Variants in FAM135A observed in about 807,000 individuals in gnomAD.
FAM135A encodes the protein protein FAM135A.
A neutral mutation model predicts 146.8 loss-of-function variants in FAM135A; 79 were observed. The ratio of observed to expected loss-of-function variants is 0.54; its 90% CI spans 0.45 to 0.65. The LOEUF (loss-of-function observed/expected upper bound fraction) is 0.65, where lower values mean the gene tolerates loss of function less well. FAM135A is among the 30% of genes least tolerant of loss of function. FAM135A has a pLI of 0.00. For missense variants in FAM135A, 1,623 were observed against 1,758.2 expected, an observed-to-expected ratio of 0.92 and a Z score of 1.38; for synonymous variants, 562 against 603.6, an observed-to-expected ratio of 0.93 and a Z score of 1.01.
rs191246803 is a variant in FAM135A, at chr6:70,527,296, G to T, written c.3614+598G>T. Among the ~76,000 whole-genome samples the T allele has an allele frequency of 5.3e-4, 80 of 152,116 alleles. 1 individual carries two copies. In the East Asian group the frequency reaches 0.012, roughly 22 times the overall value. ...GATACAGGTTTACCAGCGTGCACTG[G>T]TTCTTAAAATATTCTATTGCCTCAG... is the stretch of plus-strand genomic sequence containing the variant. On this transcript the variant is annotated intron_variant, in intron 15 of 21. Transcript: ENST00000418814.
At position 70,526,506 on chromosome 6, in the gene FAM135A, G is replaced by T; in HGVS notation, c.3422G>T (p.Gly1141Val). 6.2e-7 allele frequency: 1 copy of T among 1,613,486 alleles called. No individual in the cohort carries two copies. Among genetic ancestry groups the T allele is most frequent in the South Asian group, 1.1e-5 (1 of 91,048 alleles). The change falls in exon 15 of 22, where the codon GGT (glycine) becomes GTT (valine). Residue 1141 changes from glycine to valine, a missense_variant. Around this residue, in one of 7 missense-constraint regions of FAM135A, gnomAD observed 1,061 missense variants for 1,113.8 expected, o/e 0.95. Coordinates refer to ENST00000418814, the MANE Select transcript of FAM135A (RefSeq NM_001162529.3). ...EKINSDYLRDGINMPTVCTSG... is the reference protein window; with the variant it reads ...EKINSDYLRDVINMPTVCTSG... ...ATAAACAGTGACTATCTGAGAGATG[G>T]TATAAACATGCCTACTGTCTGTACT... is the stretch of plus-strand genomic sequence containing the variant.
At chr6:70,425,373 A>G (rs1226304849) in intron 2 of FAM135A, among the ~76,000 whole-genome samples, 1 of 152,188 alleles carries the variant, frequency 6.6e-6, no homozygotes, top group Non-Finnish European at 1.5e-5. Context: ...AGGAGAAGCT[A>G]TCTTCGACAT....
chr6:70,458,736 C>T (rs931609809), intron 5 of FAM135A, among the ~76,000 whole-genome samples: 2 of 152,088 alleles, frequency 1.3e-5, no homozygotes, highest in Non-Finnish European at 2.9e-5. Context: ...ACATGCGTCT[C>T]ACAAGTGTTA....
chr6:70,554,723 G>A (rs1800499960), intron 20 of FAM135A, among the ~76,000 whole-genome samples: 1 of 152,130 alleles, frequency 6.6e-6, no homozygotes, highest in African/African-American at 2.4e-5. Flanking sequence ...CGCCTCCTGG[G>A]TTCAAGCGAT....
At chr6:70,535,194 G>C (rs145751524) in intron 18 of FAM135A, among the ~76,000 whole-genome samples, 1 of 152,104 alleles carries the variant, frequency 6.6e-6, no homozygotes, top group Admixed American at 6.6e-5. Context: ...AGTTCAGTTC[G>C]GGAGGGAAGT....
chr6:70,422,193 C>T (rs1285406651), intron 2 of FAM135A, among the ~76,000 whole-genome samples: 1 of 152,154 alleles, frequency 6.6e-6, no homozygotes, highest in Non-Finnish European at 1.5e-5. Flanking sequence ...CTTCCAACTA[C>T]CTCTTGAAAA....
At chr6:70,481,873 A>AT (rs141045723) in intron 9 of FAM135A, 128 bp from the exon 10 acceptor site, 3 of 882,972 alleles carry the variant, frequency 3.4e-6, no homozygotes, top group South Asian at 2.3e-5. Context: ...ATATTACCAC[A>AT]TTTTTTATAT....
chr6:70,441,904 C>T (rs994356319), intron 4 of FAM135A, among the ~76,000 whole-genome samples: 19 of 151,958 alleles, frequency 1.3e-4, no homozygotes, highest in Non-Finnish European at 2.4e-4. Flanking sequence ...AGGCTGGTCT[C>T]GTACTCCTGA....
chr6:70,545,836 C>T (rs1295790302), intron 20 of FAM135A, among the ~76,000 whole-genome samples: 1 of 152,128 alleles, frequency 6.6e-6, no homozygotes, highest in Non-Finnish European at 1.5e-5. Context: ...AATGACTTGC[C>T]TGAGGTCACT....
intron 4 of FAM135A, among the ~76,000 whole-genome samples, chr6:70,443,746 C>G (rs1775086324): frequency 6.6e-6 from 1 of 151,984 alleles, no homozygotes. Flanking sequence ...TTTAATCATA[C>G]CTTTTTTTTC....
At chr6:70,523,315 A>G (rs970817129) in intron 13 of FAM135A, among the ~76,000 whole-genome samples, 3 of 152,138 alleles carry the variant, frequency 2.0e-5, no homozygotes, top group Non-Finnish European at 2.9e-5. Flanking sequence ...TATAAATTAT[A>G]CCACAAAAAA....
At chr6:70,540,317 AC>A (rs1797658656) in intron 20 of FAM135A, among the ~76,000 whole-genome samples, 1 of 111,348 alleles carries the variant, frequency 9.0e-6, no homozygotes. Context: ...GATTCCTGCT[AC>A]TTTTTTTTTT....
At chr6:70,555,609 A>G (rs1800688709) in intron 20 of FAM135A, among the ~76,000 whole-genome samples, 3 of 152,162 alleles carry the variant, frequency 2.0e-5, no homozygotes, top group Admixed American at 6.5e-5. Context: ...AGAGTCTTAG[A>G]TGACTCCAGG....
chr6:70,437,971 T>C (rs1353607963), intron 4 of FAM135A, among the ~76,000 whole-genome samples: 1 of 152,184 alleles, frequency 6.6e-6, no homozygotes, highest in Non-Finnish European at 1.5e-5. Context: ...CTATAGATAC[T>C]TATACCATAT....
chr6:70,544,599 G>C (rs957558864), intron 20 of FAM135A, among the ~76,000 whole-genome samples: 1 of 151,708 alleles, frequency 6.6e-6, no homozygotes, highest in African/African-American at 2.4e-5. Context: ...AAATTAGCTA[G>C]GCATGGTCAT....
In FAM135A at chr6:70,526,332, A is replaced by G. The variant is rs569756752; in HGVS notation, c.3248A>G (p.Lys1083Arg). Residue 1083 changes from lysine to arginine, a missense_variant, in exon 15 of 22, where the codon AAA becomes AGA. By Grantham distance (26) the Lys-to-Arg change is conservative (BLOSUM62 2). Transcript: ENST00000418814. ...AGTAATCTTCAGCAGGAACAGGATAAAGAGGATGAGGAGGAAGAGCAGGAT... is the reference window on the plus strand; with the variant it reads ...AGTAATCTTCAGCAGGAACAGGATAGAGAGGATGAGGAGGAAGAGCAGGAT... ...EISNLQQEQD[K>R]EDEEEEQDQQ... is the part of the protein sequence containing the mutation. 1.4e-5 allele frequency: 22 copies of G among 1,613,478 alleles called. 1 individual carries two copies. The highest frequency in any genetic ancestry group is 6.7e-5 in the East Asian group (3 of 44,846).
intron 4 of FAM135A, among the ~76,000 whole-genome samples, chr6:70,444,616 C>T (rs1446749540): frequency 6.6e-6 from 1 of 151,940 alleles, no homozygotes; most frequent in Non-Finnish European, 1.5e-5. Context: ...AATTTTATAT[C>T]TTTTAAAGTA....
At chr6:70,465,633 G>T (rs879488921) in intron 5 of FAM135A, among the ~76,000 whole-genome samples, 12 of 152,054 alleles carry the variant, frequency 7.9e-5, no homozygotes, top group African/African-American at 1.2e-4. Flanking sequence ...TCCTGCCTCG[G>T]CCTCCTAAAG....
At chr6:70,511,287 A>G (rs1217821657) in intron 12 of FAM135A, among the ~76,000 whole-genome samples, 1 of 151,986 alleles carries the variant, frequency 6.6e-6, no homozygotes, top group Non-Finnish European at 1.5e-5. Context: ...GCAGCAGGAA[A>G]AATCTTAAAT....
Sources: gnomAD v4.1 joint callset for allele counts (sites outside exome capture counted in the v4.1 genomes callset) on GRCh38, gnomAD v4.1.1 for gene constraint, gnomAD v4.1.1 regional missense constraint, MANE v1.5 for transcripts, NCBI Gene and HGNC (gene_info 2026-07-23, HGNC 2026-07-21) for gene names.